EVI5: variants seen among roughly 807,000 people sequenced by gnomAD.
The protein encoded by EVI5 is ecotropic viral integration site 5 protein homolog.
Under a neutral mutation model 112.0 loss-of-function variants are expected in EVI5, and 73 were observed. The observed-to-expected ratio is 0.65, with a 90% confidence interval of 0.54 to 0.79. EVI5 has a LOEUF of 0.79. Among genes scored for constraint, EVI5 ranks in the 30% least tolerant of loss-of-function variants. The pLI is 0.00. For synonymous variants in EVI5, 305 were observed against 319.9 expected (o/e 0.95, Z 0.50); for missense variants, 900 against 968.8 (o/e 0.93, Z 0.94).
In EVI5 at chr1:92,663,472, G is replaced by C. The variant is rs748984662; in HGVS notation, c.1213-20C>G. 7.9e-7 allele frequency: 1 copy of C among 1,262,242 alleles called. No homozygotes were observed. The highest frequency in any genetic ancestry group is 1.1e-6 in the Non-Finnish European group (1 of 922,036). 78.2% of individuals were successfully genotyped at this position (1,262,242 alleles called of 1,614,324 possible). ...ACTTTCCTACAAAAGGAAAAATTCA[G>C]ATAGAAATATAAGAGAAAGAAATAA... On this transcript the variant is annotated intron_variant, in intron 11 of 19. Transcript: ENST00000684568.
intron 19 of EVI5, among the ~76,000 whole-genome samples, chr1:92,548,835 C>G (rs980557851): frequency 1.3e-5 from 2 of 151,840 alleles, no homozygotes; most frequent in Non-Finnish European, 2.9e-5. Context: ...CACTGCTCAA[C>G]GAAATAAAAG....
intron 18 of EVI5, among the ~76,000 whole-genome samples, chr1:92,591,966 G>A (rs1366415536): frequency 3.3e-5 from 5 of 152,214 alleles, no homozygotes; most frequent in African/African-American, 9.6e-5. Context: ...CACTCAAGCC[G>A]GGCGCGGTGG....
chr1:92,575,259 GCA>G (rs1444751840), intron 18 of EVI5, among the ~76,000 whole-genome samples: 6 of 152,064 alleles, frequency 3.9e-5, no homozygotes, highest in African/African-American at 9.7e-5. Flanking sequence ...ACATATGTGT[GCA>G]CACACACAGA....
chr1:92,662,889 G>A, intron 12 of EVI5, 24 bp from the exon 13 acceptor site: 1 of 1,255,166 alleles, frequency 8.0e-7, no homozygotes, highest in African/African-American at 1.6e-5. Context: ...TTTTGTGTGT[G>A]TAAAGCAATT....
At chr1:92,715,104 C>T (rs1331083050) in intron 2 of EVI5, among the ~76,000 whole-genome samples, 2 of 152,042 alleles carry the variant, frequency 1.3e-5, no homozygotes, top group African/African-American at 2.4e-5. Context: ...CTCCCAGGTT[C>T]AAACAATTCT....
intron 9 of EVI5, among the ~76,000 whole-genome samples, chr1:92,682,735 C>A (rs1166230440): frequency 2.6e-5 from 4 of 151,854 alleles, no homozygotes; most frequent in African/African-American, 9.7e-5. Context: ...TGCAAGACTT[C>A]GTCTCAAAAA....
chr1:92,523,448 A>C (rs1177667618), intron 19 of EVI5, among the ~76,000 whole-genome samples: 2 of 152,178 alleles, frequency 1.3e-5, no homozygotes, highest in African/African-American at 4.8e-5. Context: ...ATATTTTTTA[A>C]AAAATATATT....
At chr1:92,725,203 GA>G (rs1675379294) in intron 2 of EVI5, among the ~76,000 whole-genome samples, 1 of 152,126 alleles carries the variant, frequency 6.6e-6, no homozygotes, top group Admixed American at 6.6e-5. Flanking sequence ...CATGGCCAGA[GA>G]ATCAACCACC....
intron 19 of EVI5, among the ~76,000 whole-genome samples, chr1:92,536,530 C>T (rs1186078160): frequency 1.3e-5 from 2 of 152,110 alleles, no homozygotes; most frequent in Non-Finnish European, 2.9e-5. Context: ...GCAGGGATAA[C>T]CTGTAAAGAT....
At chr1:92,551,322 T>G (rs1666904179) in intron 19 of EVI5, among the ~76,000 whole-genome samples, 1 of 152,056 alleles carries the variant, frequency 6.6e-6, no homozygotes, top group African/African-American at 2.4e-5. Flanking sequence ...GCCACTGTGC[T>G]CGGCAACTGC....
At chr1:92,594,834 C>T (rs1206936975) in intron 18 of EVI5, among the ~76,000 whole-genome samples, 1 of 151,048 alleles carries the variant, frequency 6.6e-6, no homozygotes, top group Non-Finnish European at 1.5e-5. Context: ...CATCACTGGC[C>T]ATCAGAGAAA....
chr1:92,610,339 T>C (rs1390794787), intron 16 of EVI5, among the ~76,000 whole-genome samples: 1 of 152,328 alleles, frequency 6.6e-6, no homozygotes, highest in Non-Finnish European at 1.5e-5. Context: ...ATCTTTGACA[T>C]AAGCTGCAAA....
chr1:92,556,640 T>A (rs966596315), intron 19 of EVI5, among the ~76,000 whole-genome samples: 1 of 152,172 alleles, frequency 6.6e-6, no homozygotes, highest in Non-Finnish European at 1.5e-5. Context: ...GTTCCTTATT[T>A]CAAAAATTCC....
At chr1:92,713,303 A>G (rs1399477586) in intron 2 of EVI5, among the ~76,000 whole-genome samples, 1 of 151,734 alleles carries the variant, frequency 6.6e-6, no homozygotes, top group East Asian at 1.9e-4. Flanking sequence ...ACTACACAAT[A>G]CTAGTATTGT....
chr1:92,584,777 C>T (rs879682818), intron 18 of EVI5, among the ~76,000 whole-genome samples: 5 of 152,066 alleles, frequency 3.3e-5, no homozygotes, highest in Non-Finnish European at 5.9e-5. Flanking sequence ...ACATAAATGT[C>T]TTTTAAAAAC....
intron 13 of EVI5, among the ~76,000 whole-genome samples, chr1:92,653,725 C>T (rs1217092059): frequency 3.9e-5 from 6 of 152,206 alleles, no homozygotes; most frequent in Non-Finnish European, 8.8e-5. Flanking sequence ...AGAGCAGCAG[C>T]GTTCCTGCAA....
At chr1:92,749,351 C>A (rs1679835080) in intron 1 of EVI5, 1 of 182,340 alleles carries the variant, frequency 5.5e-6, no homozygotes, top group Non-Finnish European at 1.1e-5. Context: ...TTTTTAACTT[C>A]TTAAAAGGCA....
At chr1:92,783,808 C>CAAAAAAAAAAAAAAAA (rs58484805) in intron 1 of EVI5, among the ~76,000 whole-genome samples, 1 of 94,296 alleles carries the variant, frequency 1.1e-5, no homozygotes, top group Non-Finnish European at 2.1e-5. Context: ...GACTCCCTGT[C>CAAAAAAAAAAAAAAAA]AAAAAAAAAA....
intron 1 of EVI5, among the ~76,000 whole-genome samples, chr1:92,744,113 T>A (rs1046097622): frequency 1.3e-5 from 2 of 152,234 alleles, no homozygotes; most frequent in African/African-American, 4.8e-5. Flanking sequence ...TTTTCAGATT[T>A]TCCAAATATC....
Sources: allele counts gnomAD v4.1 joint callset (sites outside exome capture counted in the v4.1 genomes callset), GRCh38; gene constraint gnomAD v4.1.1; transcripts MANE v1.5; gene names NCBI Gene and HGNC (gene_info 2026-07-23, HGNC 2026-07-21).